ENPP1: variants seen among roughly 807,000 people sequenced by gnomAD.
ENPP1 encodes the protein ectonucleotide pyrophosphatase/phosphodiesterase 1.
Under a neutral mutation model 122.8 loss-of-function variants are expected in ENPP1, and 73 were observed. The observed-to-expected ratio is 0.59, with a 90% confidence interval of 0.49 to 0.72. ENPP1 has a LOEUF of 0.72. Among genes scored for constraint, ENPP1 ranks in the 30% least tolerant of loss-of-function variants. The pLI is 0.00. For synonymous variants in ENPP1, 367 were observed against 391.6 expected (o/e 0.94, Z 0.74); for missense variants, 978 against 1,128.1 (o/e 0.87, Z 1.91).
intron 10 of ENPP1, 95 bp downstream of exon 10, chr6:131,864,666 A>G (rs1782066300): frequency 2.2e-6 from 2 of 902,628 alleles, no homozygotes; most frequent in Non-Finnish European, 1.8e-6. Flanking sequence ...GCTATTTGCT[A>G]TGATGTTTTA....
chr6:131,827,157 C>A, intron 1 of ENPP1: 1 of 738,876 alleles, frequency 1.4e-6, no homozygotes. Context: ...GCAGTTCTAT[C>A]TTGTCTTGGA....
chr6:131,864,777 T>C (rs1237151125), intron 10 of ENPP1, 89 bp from the exon 11 acceptor site: 2 of 938,416 alleles, frequency 2.1e-6, no homozygotes, highest in African/African-American at 3.2e-5. Context: ...TGTTATAAAA[T>C]TTAATCCCTA....
intron 13 of ENPP1, 24 bp downstream of exon 13, chr6:131,869,513 T>G: frequency 6.2e-7 from 1 of 1,608,936 alleles, no homozygotes; most frequent in Non-Finnish European, 8.5e-7. Flanking sequence ...TGTGATAACT[T>G]TGAATATGGT....
intron 1 of ENPP1, chr6:131,827,354 A>G: frequency 7.3e-6 from 8 of 1,100,720 alleles, no homozygotes; most frequent in East Asian, 7.1e-5. Flanking sequence ...GGATGTCACT[A>G]TAGTTGCTTT....
At chr6:131,839,612 G>C (rs1314830262) in intron 1 of ENPP1, among the ~76,000 whole-genome samples, 1 of 152,130 alleles carries the variant, frequency 6.6e-6, no homozygotes, top group Non-Finnish European at 1.5e-5. Flanking sequence ...GTCCATTGGA[G>C]AAACTTTGGA....
chr6:131,810,333 G>C (rs1781332456), intron 1 of ENPP1, among the ~76,000 whole-genome samples: 1 of 152,110 alleles, frequency 6.6e-6, no homozygotes, highest in African/African-American at 2.4e-5. Context: ...ACTTCAGCTT[G>C]GGTGACACGG....
At position 131,877,206 on chromosome 6, in the gene ENPP1, GC is replaced by G. The variant is rs1441339499; in HGVS notation, c.1893+46del. On this transcript the variant is annotated intron_variant, in intron 18 of 24. Coordinates refer to ENST00000647893, the MANE Select transcript of ENPP1 (RefSeq NM_006208.3). ...TTGGTCCAGTATGTATGGTTTGATA[GC>G]ACCCTCTGCATAGCATGTGCTGTAA... The G allele has an allele frequency of 6.2e-5, 97 of 1,554,948 alleles. 1 individual carries two copies. In the Admixed American group the frequency reaches 1.7e-3, roughly 27 times the overall value.
intron 7 of ENPP1, 85 bp from the exon 8 acceptor site, chr6:131,860,302 G>A (rs778936363): frequency 1.1e-5 from 11 of 1,045,534 alleles, no homozygotes; most frequent in South Asian, 2.9e-5. Context: ...TTCAGTTATC[G>A]GTTTCTTTTT....
At chr6:131,865,081 A>G in intron 11 of ENPP1, 143 bp downstream of exon 11, 1 of 681,578 alleles carries the variant, frequency 1.5e-6, no homozygotes, top group South Asian at 1.6e-5. Context: ...ACTAAATATA[A>G]GGATGCACTT....
chr6:131,887,324 T>C (rs567378835), intron 24 of ENPP1, among the ~76,000 whole-genome samples: 2 of 152,152 alleles, frequency 1.3e-5, no homozygotes, highest in Admixed American at 6.5e-5. Context: ...TTTTATATTA[T>C]CTTATTTGCT....
intron 1 of ENPP1, among the ~76,000 whole-genome samples, chr6:131,813,228 G>A (rs982988499): frequency 6.6e-6 from 1 of 152,088 alleles, no homozygotes; most frequent in Non-Finnish European, 1.5e-5. Flanking sequence ...TTGTGGCTGT[G>A]TGTGATGGCT....
chr6:131,861,879 A>G (rs1435623240), intron 9 of ENPP1, among the ~76,000 whole-genome samples, 175 bp downstream of exon 9: 3 of 152,176 alleles, frequency 2.0e-5, no homozygotes, highest in African/African-American at 7.2e-5. Context: ...CAGTAAAACT[A>G]GACAAGTGGG....
chr6:131,824,996 G>A (rs1250609882), intron 1 of ENPP1, among the ~76,000 whole-genome samples: 4 of 151,928 alleles, frequency 2.6e-5, no homozygotes, highest in Admixed American at 2.0e-4. Context: ...GGAGGTGGAG[G>A]TTGCAGTGAG....
At chr6:131,873,840 G>C (rs115778997) in intron 15 of ENPP1, among the ~76,000 whole-genome samples, 2,090 of 151,974 alleles carry the variant, frequency 0.014, 53 homozygotes, top group African/African-American at 0.048. Context: ...TATGAAAGGA[G>C]AAATGGTCCT....
At chr6:131,868,868 C>A (rs952498321) in intron 12 of ENPP1, among the ~76,000 whole-genome samples, 1 of 152,200 alleles carries the variant, frequency 6.6e-6, no homozygotes, top group Non-Finnish European at 1.5e-5. Context: ...ATAGGAGCAG[C>A]GTGCCTATGG....
intron 20 of ENPP1, among the ~76,000 whole-genome samples, chr6:131,882,022 A>AAAT (rs1554205199): frequency 7.0e-6 from 1 of 142,220 alleles, no homozygotes; most frequent in African/African-American, 2.8e-5. Context: ...CATCTTAAAA[A>AAAT]AATAATAATA....
intron 5 of ENPP1, 145 bp downstream of exon 5, chr6:131,852,380 GT>G: frequency 1.6e-6 from 1 of 639,166 alleles, no homozygotes; most frequent in Non-Finnish European, 2.7e-6. Context: ...AAAATGTTTG[GT>G]ATGAGAACTG....
At chr6:131,836,277 T>A (rs1274737612) in intron 1 of ENPP1, among the ~76,000 whole-genome samples, 3 of 152,076 alleles carry the variant, frequency 2.0e-5, no homozygotes, top group Non-Finnish European at 2.9e-5. Flanking sequence ...CATGCCTGGC[T>A]AATTTTTTGT....
At chr6:131,833,627 C>T (rs1401466264) in intron 1 of ENPP1, among the ~76,000 whole-genome samples, 1 of 151,988 alleles carries the variant, frequency 6.6e-6, no homozygotes, top group Non-Finnish European at 1.5e-5. Flanking sequence ...TTATTTTATA[C>T]CTTTAAACAT....
Sources: allele counts gnomAD v4.1 joint callset (sites outside exome capture counted in the v4.1 genomes callset), GRCh38; gene constraint gnomAD v4.1.1; transcripts MANE v1.5; gene names NCBI Gene and HGNC (gene_info 2026-07-23, HGNC 2026-07-21).